MRM2: variants seen among roughly 807,000 people sequenced by gnomAD.
MRM2 encodes mitochondrial rRNA methyltransferase 2.
A neutral mutation model predicts 10.9 loss-of-function variants in MRM2; 15 were observed. That is an observed-to-expected ratio of 1.37 (90% confidence interval 0.92 to 2.11). The LOEUF is 2.11. Among genes scored for constraint, MRM2 ranks in the 30% most tolerant of loss-of-function variants. The pLI, the probability that MRM2 is intolerant of heterozygous loss-of-function variation, is 0.00. For missense variants in MRM2, 328 were observed against 321.3 expected, an observed-to-expected ratio of 1.02 and a Z score of -0.16; for synonymous variants, 139 against 128.7, an observed-to-expected ratio of 1.08 and a Z score of -0.54.
At chr7:2,238,901 C>T (rs1271778796) in intron 2 of MRM2, 1 of 193,406 alleles carries the variant, frequency 5.2e-6, no homozygotes, top group African/African-American at 2.4e-5. Flanking sequence ...CGAGATCACA[C>T]CATTGCACTG....
chr7:2,235,439 C>T lies in MRM2; in HGVS notation c.424G>A (p.Val142Met), dbSNP rs199854351. The T allele has an allele frequency of 9.3e-6, 15 of 1,614,084 alleles. No homozygotes were observed. In the Admixed American group the frequency reaches 2.5e-4, roughly 27 times the overall value. ...DPRTSQRILE[V>M]LPGRRADVIL... ...ACATCTGCTCTCCTGCCAGGAAGCACCTCGAGGATTCTCTGTGAGGTTCTC... is the reference window on the plus strand; with the variant it reads ...ACATCTGCTCTCCTGCCAGGAAGCATCTCGAGGATTCTCTGTGAGGTTCTC... The change falls in exon 3 of 3, where the codon GTG becomes ATG. Residue 142 changes from valine to methionine, a missense_variant. Physicochemically the swap from Val to Met is conservative, Grantham distance 21. Coordinates refer to ENST00000242257, the MANE Select transcript of MRM2 (RefSeq NM_013393.3).
At chr7:2,239,166 T>C (rs769254090) in intron 2 of MRM2, 3 of 779,632 alleles carry the variant, frequency 3.8e-6, no homozygotes, top group Admixed American at 1.7e-5. Context: ...CACACCACCA[T>C]GCTGGTGCTG....
intron 1 of MRM2, chr7:2,240,364 G>C (rs1224862073): frequency 1.1e-5 from 5 of 446,218 alleles, no homozygotes; most frequent in Middle Eastern, 3.3e-4. Context: ...CCAGGGCTTT[G>C]ACAGCTAGTA....
chr7:2,236,240 G>A (rs904838838), intron 2 of MRM2, among the ~76,000 whole-genome samples: 1 of 151,908 alleles, frequency 6.6e-6, no homozygotes, highest in African/African-American at 2.4e-5. Flanking sequence ...AAAAGAAAAA[G>A]AAAAAGAAAA....
chr7:2,240,354 C>T (rs923586412), intron 1 of MRM2: 11 of 449,138 alleles, frequency 2.4e-5, no homozygotes, highest in African/African-American at 2.2e-4. Flanking sequence ...TGACCTAGTT[C>T]CAGGGCTTTG....
chr7:2,235,633 C>A, intron 2 of MRM2, 69 bp from the exon 3 acceptor site: 1 of 1,063,768 alleles, frequency 9.4e-7, no homozygotes. Flanking sequence ...ACAGTACATG[C>A]AACAAAGTGA....
chr7:2,238,543 G>A (rs778278858), intron 2 of MRM2: 1 of 152,206 alleles, frequency 6.6e-6, no homozygotes, highest in Non-Finnish European at 1.5e-5. Flanking sequence ...GCCTCTTCTA[G>A]GTTCCGGACG....
chr7:2,242,130 G>T (rs762614140), intron 1 of MRM2, 32 bp downstream of exon 1: 69 of 1,583,440 alleles, frequency 4.4e-5, no homozygotes, highest in Non-Finnish European at 5.5e-5. Context: ...CACTCCCGCT[G>T]TCTGCACGCG....
At position 2,235,581 on chromosome 7, in the gene MRM2, G is replaced by C. The variant is rs369067994; in HGVS notation, c.299-17C>G. 23 of 1,548,616 alleles carry C rather than the reference G, an allele frequency of 1.5e-5. No individual in the cohort carries two copies. The highest frequency in any genetic ancestry group is 2.3e-5 in the East Asian group (1 of 44,388). ...AGCTGGGATCTATGGAAGAAATGGT[G>C]AATGTGTTATTTATTTACACCCTGA... On this transcript the variant is annotated splice_polypyrimidine_tract_variant and intron_variant, in intron 2 of 2. Coordinates refer to ENST00000242257, the MANE Select transcript of MRM2 (RefSeq NM_013393.3).
intron 1 of MRM2, 137 bp from the exon 2 acceptor site, chr7:2,239,844 G>C: frequency 8.0e-6 from 6 of 754,352 alleles, no homozygotes; most frequent in South Asian, 1.8e-5. Context: ...AACTGATAAG[G>C]CTACACAGAT....
chr7:2,237,039 G>A (rs1794431314), intron 2 of MRM2, among the ~76,000 whole-genome samples: 1 of 152,176 alleles, frequency 6.6e-6, no homozygotes, highest in Admixed American at 6.5e-5. Context: ...GTGTGTGTGT[G>A]TGTGAGACAA....
rs948687630 is a variant in MRM2, at chr7:2,234,596, C to T, written c.*526G>A. ...TCTTGAACTCCTGACTTCAAGCAAT[C>T]CCCCAGCCTCAGCCTTCTAAAGCCC... is the stretch of plus-strand genomic sequence containing the variant. On this transcript the variant is annotated 3_prime_UTR_variant, in exon 3 of 3. Transcript: ENST00000242257. 3 of 155,730 alleles carry T rather than the reference C, an allele frequency of 1.9e-5. No homozygotes were observed. The highest frequency in any genetic ancestry group is 1.9e-4 in the Admixed American group (3 of 16,190). 9.6% of individuals were successfully genotyped at this position (155,730 alleles called of 1,614,324 possible).
chr7:2,239,530 C>T lies in MRM2; in HGVS notation c.186G>A (p.Glu62=), dbSNP rs201864572. The stretch of plus-strand genomic sequence containing the variant: ...GCAGAATCTGGTGCCTCTCGTTCAC[C>T]TCCAGGAGCTTGAAGGCGCTTCGAC... ...YRCRSAFKLL[E]VNERHQILRP... Residue 62 remains glutamate (E), a synonymous_variant, in exon 2 of 3, where the codon GAG becomes GAA. Coordinates refer to ENST00000242257, the MANE Select transcript of MRM2 (RefSeq NM_013393.3). The T allele has an allele frequency of 1.2e-4, 196 of 1,614,072 alleles. 1 individual carries two copies. The highest frequency in any genetic ancestry group is 2.7e-5 in the Non-Finnish European group (32 of 1,180,032).
In MRM2 at chr7:2,239,675, C is replaced by G. The variant is rs757715878; in HGVS notation, c.41G>C (p.Arg14Pro). Residue 14 changes from arginine (R) to proline (P), a missense_variant, in exon 2 of 3, where the codon CGT becomes CCT. Transcript: ENST00000242257. The stretch of plus-strand genomic sequence containing the variant: ...ACTCCCAACAGTGTGGAACCCTTGA[C>G]GCTGAAAGGAAACACACACCAGCTT... ...YLKLVCVSFQ[R>P]QGFHTVGSRC... 1 of 1,613,490 alleles carries G rather than the reference C, an allele frequency of 6.2e-7. No homozygotes were observed. The highest frequency in any genetic ancestry group is 8.5e-7 in the Non-Finnish European group (1 of 1,179,706).
At chr7:2,236,094 G>A (rs1443694845) in intron 2 of MRM2, among the ~76,000 whole-genome samples, 2 of 152,160 alleles carry the variant, frequency 1.3e-5, no homozygotes, top group African/African-American at 4.8e-5. Flanking sequence ...GGCAGGCGTG[G>A]TGGCACGTGC....
At position 2,235,038 on chromosome 7, in the gene MRM2, C is replaced by T; in HGVS notation, c.*84G>A. On this transcript the variant is annotated 3_prime_UTR_variant, in exon 3 of 3. Transcript: ENST00000242257. ...CTCCATCTCCAAAATCAGCTCAAAT[C>T]TCCCAGGAACTCTTCAGGAGCTCAG... The T allele has an allele frequency of 9.5e-7, 1 of 1,048,060 alleles. No individual in the cohort carries two copies. 64.9% of individuals were successfully genotyped at this position (1,048,060 alleles called of 1,614,324 possible).
At chr7:2,237,801 A>C (rs1235068066) in intron 2 of MRM2, among the ~76,000 whole-genome samples, 1 of 151,466 alleles carries the variant, frequency 6.6e-6, no homozygotes, top group Non-Finnish European at 1.5e-5. Flanking sequence ...AATTAGCCGG[A>C]AATCACTTAA....
At chr7:2,235,645 GAAATAA>G in intron 2 of MRM2, 81 bp from the exon 3 acceptor site, 2 of 989,682 alleles carry the variant, frequency 2.0e-6, no homozygotes, top group Non-Finnish European at 3.0e-6. Flanking sequence ...ACAAAGTGAT[GAAATAA>G]AAATAAAATG....
intron 1 of MRM2, chr7:2,240,266 T>C (rs1794496571): frequency 2.2e-6 from 1 of 455,846 alleles, no homozygotes; most frequent in Admixed American, 2.4e-5. Flanking sequence ...AGTAATATTA[T>C]TTTCTCATCT....
Sources: allele counts gnomAD v4.1 joint callset (sites outside exome capture counted in the v4.1 genomes callset), GRCh38; gene constraint gnomAD v4.1.1; transcripts MANE v1.5; gene names NCBI Gene and HGNC (gene_info 2026-07-23, HGNC 2026-07-21).